The following NR2F1-AS1 variants were observed in gnomAD, a reference collection of about 807,000 sequenced individuals.
The protein encoded by NR2F1-AS1 is NR2F1 regulatory antisense RNA 1.
chr5:93,534,414 T>C (rs1751797564), intron 4 of NR2F1-AS1, among the ~76,000 whole-genome samples: 1 of 152,162 alleles, frequency 6.6e-6, no homozygotes, highest in Non-Finnish European at 1.5e-5. Flanking sequence ...TTTTCTAAGA[T>C]GAAATATTAT....
intron 4 of NR2F1-AS1, among the ~76,000 whole-genome samples, chr5:93,444,710 T>C (rs553547081): frequency 1.3e-5 from 2 of 152,170 alleles, no homozygotes; most frequent in Admixed American, 6.5e-5. Flanking sequence ...CTAATAGACA[T>C]CTACAGAACT....
Position 93,489,547 on chromosome 5 carries a change from A to G in NR2F1-AS1, n.638+64214T>C, listed in dbSNP as rs953464764. On this transcript the variant is annotated intron_variant and non_coding_transcript_variant, in intron 4 of 5. Transcript: ENST00000660523. ...ACTTCCTTTATTACGGTGGTTCGGT[A>G]CCAAATCTGCAGTATTTCTGAGGTA... Among the ~76,000 whole-genome samples the G allele has an allele frequency of 5.3e-5, 8 of 152,262 alleles. No homozygotes were observed. The South Asian group carries it at 1.7e-3, about 32-fold the overall frequency.
intron 1 of NR2F1-AS1, among the ~76,000 whole-genome samples, chr5:93,571,822 T>A (rs956476981): frequency 6.6e-6 from 1 of 151,166 alleles, no homozygotes; most frequent in Non-Finnish European, 1.5e-5. Context: ...ACAGCTCACA[T>A]CTGGAGGGGG....
In NR2F1-AS1 at chr5:93,438,120, C is replaced by T. The variant is rs533233563; in HGVS notation, n.639-42578G>A. ...ATAAGATTGGGAGGACACAGGTCCA[C>T]CGTGTACACAGCATCTGTCTGGGCC... On this transcript the variant is annotated intron_variant and non_coding_transcript_variant, in intron 4 of 5. Transcript: ENST00000660523. Among the ~76,000 whole-genome samples, 8 of 152,294 alleles carry T rather than the reference C, an allele frequency of 5.3e-5. No homozygotes were observed. In the East Asian group the frequency reaches 1.2e-3, roughly 22 times the overall value.
At chr5:93,409,692 A>G (rs1028769624) in intron 4 of NR2F1-AS1, 4 of 152,202 alleles carry the variant, frequency 2.6e-5, no homozygotes, top group African/African-American at 9.7e-5. Flanking sequence ...GTCCAATTAG[A>G]GCTATTCCTT....
At chr5:93,464,694 T>A (rs970606846) in intron 4 of NR2F1-AS1, among the ~76,000 whole-genome samples, 10 of 152,200 alleles carry the variant, frequency 6.6e-5, no homozygotes, top group African/African-American at 2.4e-4. Flanking sequence ...AGCTTCAGGT[T>A]TTTTTCTCCT....
At chr5:93,453,727 T>TA (rs1209104002) in intron 4 of NR2F1-AS1, among the ~76,000 whole-genome samples, 1 of 151,280 alleles carries the variant, frequency 6.6e-6, no homozygotes, top group Non-Finnish European at 1.5e-5. Flanking sequence ...AAAAAACAAA[T>TA]AAAAAAACAC....
At chr5:93,459,815 G>C (rs1343112509) in intron 4 of NR2F1-AS1, among the ~76,000 whole-genome samples, 2 of 151,990 alleles carry the variant, frequency 1.3e-5, no homozygotes, top group Non-Finnish European at 2.9e-5. Flanking sequence ...CTTCTGAGTG[G>C]AAAGGACTCA....
At chr5:93,554,673 G>T (rs1187067205) in intron 3 of NR2F1-AS1, among the ~76,000 whole-genome samples, 2 of 152,140 alleles carry the variant, frequency 1.3e-5, no homozygotes, top group African/African-American at 4.8e-5. Flanking sequence ...TGATGAGCAA[G>T]GCACTATTTA....
At chr5:93,439,697 C>G (rs1749519557) in intron 4 of NR2F1-AS1, among the ~76,000 whole-genome samples, 1 of 152,348 alleles carries the variant, frequency 6.6e-6, no homozygotes, top group East Asian at 1.9e-4. Flanking sequence ...CCTCATCTCT[C>G]ATCCATGATG....
At chr5:93,467,889 T>C (rs1014965441) in intron 4 of NR2F1-AS1, among the ~76,000 whole-genome samples, 2 of 152,338 alleles carry the variant, frequency 1.3e-5, no homozygotes, top group East Asian at 1.9e-4. Context: ...CTCCCACCTA[T>C]GAGTGAGAAC....
intron 1 of NR2F1-AS1, among the ~76,000 whole-genome samples, chr5:93,565,575 T>C (rs979448007): frequency 6.6e-6 from 1 of 152,086 alleles, no homozygotes; most frequent in Admixed American, 6.5e-5. Flanking sequence ...AATATTTTAT[T>C]TCTCGAACTG....
rs945995918 is a variant in NR2F1-AS1 at position 93,579,791 on chromosome 5, G to A, written n.313+676C>T. ...CCGCCCCCAGCCGGCTGGCAGCGGC[G>A]CAGGGAGTCTGGCTCGGCTGCTAGG... On this transcript the variant is annotated intron_variant and non_coding_transcript_variant, in intron 1 of 5. Coordinates refer to ENST00000660523, the Ensembl canonical transcript of NR2F1-AS1. The surrounding 1 kb of genome is among the most constrained non-coding windows in gnomAD (Gnocchi z 5.1). Among the ~76,000 whole-genome samples, 2 of 152,310 alleles carry A rather than the reference G, an allele frequency of 1.3e-5. No individual in the cohort carries two copies. The highest frequency in any genetic ancestry group is 4.8e-5 in the African/African-American group (2 of 41,564).
chr5:93,415,083 C>T (rs996425220), intron 4 of NR2F1-AS1, among the ~76,000 whole-genome samples: 8 of 152,176 alleles, frequency 5.3e-5, no homozygotes, highest in African/African-American at 1.9e-4. Flanking sequence ...AACTGCTACA[C>T]CAGCTTCGTT....
At chr5:93,477,357 A>C (rs545519046) in intron 4 of NR2F1-AS1, among the ~76,000 whole-genome samples, 1 of 152,306 alleles carries the variant, frequency 6.6e-6, no homozygotes, top group South Asian at 2.1e-4. Flanking sequence ...TTCTTAGTAG[A>C]TGATTAAAAT....
intron 4 of NR2F1-AS1, chr5:93,411,587 A>G (rs1748857440): frequency 6.6e-6 from 1 of 152,208 alleles, no homozygotes; most frequent in South Asian, 2.1e-4. Context: ...GTTAGCTTTT[A>G]CTGATCACTA....
At chr5:93,565,599 T>C (rs1004267182) in intron 1 of NR2F1-AS1, among the ~76,000 whole-genome samples, 1 of 152,060 alleles carries the variant, frequency 6.6e-6, no homozygotes, top group East Asian at 1.9e-4. Context: ...TTGGGGTATA[T>C]GGATGCTTAT....
chr5:93,572,648 G>A (rs888120270), intron 1 of NR2F1-AS1, among the ~76,000 whole-genome samples: 2 of 152,228 alleles, frequency 1.3e-5, no homozygotes, highest in African/African-American at 4.8e-5. Context: ...CACCAGCGCC[G>A]TTATTCCAGA....
At chr5:93,504,735 T>C (rs1751151251) in intron 4 of NR2F1-AS1, among the ~76,000 whole-genome samples, 2 of 152,092 alleles carry the variant, frequency 1.3e-5, no homozygotes, top group Non-Finnish European at 2.9e-5. Flanking sequence ...TTAGTCACTG[T>C]CATGAGAATA....
Sources: gnomAD v4.1 joint callset for allele counts (sites outside exome capture counted in the v4.1 genomes callset) on GRCh38, gnomAD v4.1.1 for gene constraint, Gnocchi (gnomAD v3.1) non-coding constraint, MANE v1.5 for transcripts, NCBI Gene and HGNC (gene_info 2026-07-23, HGNC 2026-07-21) for gene names.